The following CEP290 variants were observed in gnomAD, a reference collection of about 807,000 sequenced individuals.
CEP290 encodes centrosomal protein 290.
A neutral mutation model predicts 344.9 loss-of-function variants in CEP290; 317 were observed. That is an observed-to-expected ratio of 0.92 (90% CI 0.84 to 1.01). The LOEUF (loss-of-function observed/expected upper bound fraction) is 1.01, where lower values mean the gene tolerates loss of function less well. Among genes scored for constraint, CEP290 ranks in the 50% least tolerant of loss-of-function variants. The probability of loss-of-function intolerance (pLI) is 0.00; values close to 1 mark genes in which losing one functional copy is unlikely to be tolerated. For missense variants in CEP290, 2,754 were observed against 2,761.4 expected, an observed-to-expected ratio of 1.00 and a Z score of 0.06; for synonymous variants, 932 against 895.8, an observed-to-expected ratio of 1.04 and a Z score of -0.72.
In CEP290 at chr12:88,093,964, T is replaced by C; in HGVS notation, c.3115A>G (p.Ser1039Gly). The C allele has an allele frequency of 1.2e-6, 2 of 1,605,186 alleles. No individual in the cohort carries two copies. The highest frequency in any genetic ancestry group is 1.7e-6 in the Non-Finnish European group (2 of 1,175,918). Residue 1039 changes from serine (S) to glycine (G), a missense_variant, in exon 28 of 54, where the codon AGC becomes GGC. By Grantham distance (56) the Ser-to-Gly change is moderately conservative. Coordinates refer to ENST00000552810, the MANE Select transcript of CEP290 (RefSeq NM_025114.4). Reference protein sequence around the residue: ...EQETKLGNESSMDKAKKSITN... With the variant: ...EQETKLGNESGMDKAKKSITN... ...ATTGATTTCTTTGCCTTATCCATGC[T>C]AGATTCATTACCTACATGCAATAAT...
chr12:88,109,409 A>T (rs2038519322), intron 22 of CEP290, among the ~76,000 whole-genome samples: 1 of 152,186 alleles, frequency 6.6e-6, no homozygotes, highest in African/African-American at 2.4e-5. Context: ...AAATTACCAG[A>T]TTACAAAGTT....
At chr12:88,084,963 A>G in intron 34 of CEP290, 111 bp from the exon 35 acceptor site, 1 of 817,540 alleles carries the variant, frequency 1.2e-6, no homozygotes. Flanking sequence ...TATTTTTCAC[A>G]TCATATGTAC....
intron 31 of CEP290, 113 bp downstream of exon 31, chr12:88,088,919 A>T: frequency 1.6e-6 from 1 of 639,346 alleles, no homozygotes; most frequent in Non-Finnish European, 2.5e-6. Flanking sequence ...GGCTGAGGCT[A>T]GAGAGTCCCT....
chr12:88,062,695 T>A lies in CEP290; in HGVS notation c.6354A>T (p.Arg2118Ser), dbSNP rs762397066. ...AEVQRKLGHV[R>S]GSGRSGKTIP... Reference sequence around the variant, plus strand: ...TGTATGGTAAATTCTCACATACCCCTCTAACATGGCCAAGTTTCCGCTGAA... The same window carrying A: ...TGTATGGTAAATTCTCACATACCCCACTAACATGGCCAAGTTTCCGCTGAA... Residue 2118 changes from arginine to serine, a missense_variant, in exon 46 of 54, where the codon AGA becomes AGT. Physicochemically the swap from Arg to Ser is moderately radical, Grantham distance 110. Coordinates refer to ENST00000552810, the MANE Select transcript of CEP290 (RefSeq NM_025114.4). 52 of 1,600,306 alleles carry A rather than the reference T, an allele frequency of 3.2e-5. 2 individuals carry two copies. The South Asian group carries it at 5.7e-4, about 18-fold the overall frequency.
intron 49 of CEP290, among the ~76,000 whole-genome samples, chr12:88,056,683 G>T (rs1337052212): frequency 1.3e-5 from 2 of 152,060 alleles, no homozygotes; most frequent in African/African-American, 4.8e-5. Context: ...CATCACCCTG[G>T]TTTGTCCCAG....
chr12:88,102,874 C>T lies in CEP290; in HGVS notation c.2955G>A (p.Met985Ile), dbSNP rs2037998320. 1 of 1,610,460 alleles carries T rather than the reference C, an allele frequency of 6.2e-7. No individual in the cohort carries two copies. Among genetic ancestry groups the T allele is most frequent in the Non-Finnish European group, 8.5e-7 (1 of 1,178,376 alleles). Residue 985 changes from methionine (M) to isoleucine (I), a missense_variant, in exon 26 of 54, where the codon ATG becomes ATA. Transcript: ENST00000552810. Reference protein sequence around the residue: ...KYRDILQKDNMLVQRTSNLEH... With the variant: ...KYRDILQKDNILVQRTSNLEH... ...CCAAGTTACTTGTTCTTTGAACAAG[C>T]ATATTATCTTTTTGCAAGATGTCCC...
intron 48 of CEP290, 57 bp downstream of exon 48, chr12:88,059,841 C>A: frequency 7.0e-7 from 1 of 1,419,182 alleles, no homozygotes; most frequent in Non-Finnish European, 9.5e-7. Context: ...CCAGTTTTTC[C>A]AAGAGGTATT....
At position 88,121,161 on chromosome 12, in the gene CEP290, A is replaced by C. The variant is rs760581741; in HGVS notation, c.1195T>G (p.Ser399Ala). The C allele has an allele frequency of 1.2e-5, 20 of 1,611,048 alleles. No homozygotes were observed. Among genetic ancestry groups the C allele is most frequent in the Non-Finnish European group, 1.7e-5 (20 of 1,178,858 alleles). Reference protein sequence around the residue: ...KNELQRNKGASTLSQQTHMKI... With the variant: ...KNELQRNKGAATLSQQTHMKI... The stretch of plus-strand genomic sequence containing the variant: ...ATATGAGTCTGTTGAGAAAGGGTTG[A>C]AGCACCTACAGAGTAAAAACAAAAA... The change falls in exon 14 of 54, where the codon TCA becomes GCA. Residue 399 changes from serine to alanine, a missense_variant. Physicochemically the swap from Ser to Ala is moderately conservative, Grantham distance 99 (BLOSUM62 1). Coordinates refer to ENST00000552810, the MANE Select transcript of CEP290 (RefSeq NM_025114.4).
At chr12:88,074,022 T>C (rs1428508610) in intron 41 of CEP290, among the ~76,000 whole-genome samples, 1 of 152,012 alleles carries the variant, frequency 6.6e-6, no homozygotes. Context: ...GTCAGGAGTT[T>C]GAGACTAGCC....
rs1197518555 is a variant in CEP290, at chr12:88,049,201, T to G, written c.7423A>C (p.Asn2475His). The G allele has an allele frequency of 6.3e-7, 1 of 1,593,148 alleles. No individual in the cohort carries two copies. The highest frequency in any genetic ancestry group is 8.5e-7 in the Non-Finnish European group (1 of 1,172,800). The change falls in exon 54 of 54, where the codon AAT becomes CAT. Residue 2475 changes from asparagine (N) to histidine (H), a missense_variant. Physicochemically the swap from Asn to His is moderately conservative, Grantham distance 68. Transcript: ENST00000552810. ...EFEDEEESPVNFPIY is the reference protein window; with the variant it reads ...EFEDEEESPVHFPIY ...GGTGACCTTTAGTAAATGGGGAAAT[T>G]AACAGGACTTTCTTCTTCATCTTCA...
chr12:88,087,719 CAAAAAAAAAAAA>C, intron 32 of CEP290, 49 bp downstream of exon 32: 3 of 124,712 alleles, frequency 2.4e-5, no homozygotes, highest in Admixed American at 2.6e-4. Context: ...GACTCCATCT[CAAAAAAAAAAAA>C]AAAAAAAAAA....
intron 15 of CEP290, among the ~76,000 whole-genome samples, chr12:88,119,343 C>T (rs961173657): frequency 6.6e-6 from 1 of 151,986 alleles, no homozygotes; most frequent in Non-Finnish European, 1.5e-5. Flanking sequence ...ACTTAGTCTG[C>T]ACTATCATAA....
At position 88,093,870 on chromosome 12, in the gene CEP290, C is replaced by T. The variant is rs1434068646; in HGVS notation, c.3209G>A (p.Arg1070Lys). ...TTTTTGACAATGTTCAGCCCGCTGC[C>T]TTTCATTTAATTCCTTCATTTCCAG... ...TMLEMKELNE[R>K]QRAEHCQKMY... The change falls in exon 28 of 54, where the codon AGG (arginine) becomes AAG (lysine). Residue 1070 changes from arginine to lysine, a missense_variant. Arg to Lys is a conservative substitution (Grantham distance 26). Coordinates refer to ENST00000552810, the MANE Select transcript of CEP290 (RefSeq NM_025114.4). 6.2e-7 allele frequency: 1 copy of T among 1,612,812 alleles called. No individual in the cohort carries two copies. The highest frequency in any genetic ancestry group is 1.7e-5 in the Admixed American group (1 of 59,942).
At chr12:88,066,367 T>C (rs1428792756) in intron 44 of CEP290, among the ~76,000 whole-genome samples, 1 of 152,126 alleles carries the variant, frequency 6.6e-6, no homozygotes, top group African/African-American at 2.4e-5. Context: ...TGGCACAATC[T>C]TAGCTCACTA....
chr12:88,118,278 T>C (rs930435846), intron 17 of CEP290, among the ~76,000 whole-genome samples: 14 of 152,148 alleles, frequency 9.2e-5, no homozygotes, highest in African/African-American at 3.4e-4. Context: ...TTTGTTATTT[T>C]GTTTTGTTTT....
chr12:88,087,712 T>TC (rs2036695945), intron 32 of CEP290, 68 bp downstream of exon 32: 1 of 439,360 alleles, frequency 2.3e-6, no homozygotes, highest in South Asian at 1.0e-4. Flanking sequence ...AGAGTGAGAC[T>TC]CCATCTCAAA....
At chr12:88,056,837 T>C (rs531051810) in intron 49 of CEP290, among the ~76,000 whole-genome samples, 1 of 152,118 alleles carries the variant, frequency 6.6e-6, no homozygotes, top group African/African-American at 2.4e-5. Flanking sequence ...TTGAGAAGGG[T>C]ATATAATCCT....
intron 12 of CEP290, among the ~76,000 whole-genome samples, 175 bp downstream of exon 12, chr12:88,126,141 A>T (rs531986521): frequency 6.6e-5 from 10 of 152,236 alleles, no homozygotes; most frequent in Non-Finnish European, 1.5e-4. Flanking sequence ...ATCTAAACTT[A>T]ATTCTAATTT....
At chr12:88,062,449 T>A (rs1173889415) in intron 46 of CEP290, among the ~76,000 whole-genome samples, 1 of 152,152 alleles carries the variant, frequency 6.6e-6, no homozygotes, top group East Asian at 1.9e-4. Flanking sequence ...AAGTTAAATG[T>A]TTTCAAGGTA....
Sources: gnomAD v4.1 joint callset for allele counts (sites outside exome capture counted in the v4.1 genomes callset) on GRCh38, gnomAD v4.1.1 for gene constraint, MANE v1.5 for transcripts, NCBI Gene and HGNC (gene_info 2026-07-23, HGNC 2026-07-21) for gene names.